Variants in ZNF384 observed in about 807,000 individuals in gnomAD.
ZNF384 encodes zinc finger protein 384.
ZNF384 carries 20 observed loss-of-function variants against 65.0 expected under a neutral mutation model. That is an observed-to-expected ratio of 0.31 (90% CI 0.22 to 0.45). ZNF384 has a LOEUF of 0.45. Among genes scored for constraint, ZNF384 ranks in the 20% least tolerant of loss-of-function variants. The pLI, the probability that ZNF384 is intolerant of heterozygous loss-of-function variation, is 1.00. For synonymous variants in ZNF384, 310 were observed against 303.9 expected (o/e 1.02, Z -0.21); for missense variants, 549 against 769.4 (o/e 0.71, Z 3.39).
chr12:6,669,212 G>C, intron 10 of ZNF384, 23 bp from the exon 11 acceptor site: 2 of 1,594,148 alleles, frequency 1.3e-6, no homozygotes, highest in African/African-American at 1.3e-5. Context: ...GGAGAAACCA[G>C]AATGAATACA....
At position 6,678,802 on chromosome 12, in the gene ZNF384, CTAGGCACACAG is replaced by C; in HGVS notation, c.305-103_305-93del. 6.6e-7 allele frequency: 1 copy of C among 1,511,454 alleles called. No individual in the cohort carries two copies. Among genetic ancestry groups the C allele is most frequent in the Non-Finnish European group, 9.2e-7 (1 of 1,090,662 alleles). 93.6% of individuals were successfully genotyped at this position (1,511,454 alleles called of 1,614,324 possible). On this transcript the variant is annotated intron_variant, in intron 4 of 11. Transcript: ENST00000683879. The surrounding 1 kb of genome is among the most constrained non-coding windows in gnomAD (Gnocchi z 4.9). ...ATCCCCCACAATGCCTAGCACATTG[CTAGGCACACAG>C]TAGGCACTTAATAAAAATTTGATTG...
At chr12:6,679,859 T>A (rs1955244414) in intron 2 of ZNF384, among the ~76,000 whole-genome samples, 1 of 152,218 alleles carries the variant, frequency 6.6e-6, no homozygotes, top group Non-Finnish European at 1.5e-5. Flanking sequence ...AGAGGGGAGA[T>A]GATGTAGCTA....
chr12:6,673,158 G>A lies in ZNF384; in HGVS notation c.1004+58C>T. Reference sequence around the variant, plus strand: ...ACATGTGGAGAGAGGAGTAGGTGCAGGCAACATGGTCTTAGGGTTCACGGC... The same window carrying A: ...ACATGTGGAGAGAGGAGTAGGTGCAAGCAACATGGTCTTAGGGTTCACGGC... On this transcript the variant is annotated intron_variant, in intron 8 of 11. Transcript: ENST00000683879. The surrounding 1 kb of genome is among the most constrained non-coding windows in gnomAD (Gnocchi z 4.7). 8.6e-6 allele frequency: 13 copies of A among 1,507,302 alleles called. No individual in the cohort carries two copies. Among genetic ancestry groups the A allele is most frequent in the Non-Finnish European group, 1.1e-5 (12 of 1,094,404 alleles). 93.4% of individuals were successfully genotyped at this position (1,507,302 alleles called of 1,614,324 possible).
At chr12:6,669,920 TCAAACA>T (rs1184820415) in intron 10 of ZNF384, among the ~76,000 whole-genome samples, 2 of 150,968 alleles carry the variant, frequency 1.3e-5, no homozygotes, top group Non-Finnish European at 3.0e-5. Context: ...AGCCTCTGTC[TCAAACA>T]CGCACACGCG....
intron 2 of ZNF384, among the ~76,000 whole-genome samples, 166 bp from the exon 3 acceptor site, chr12:6,679,691 G>T (rs1003012608): frequency 6.6e-6 from 1 of 152,174 alleles, no homozygotes; most frequent in Admixed American, 6.5e-5. Context: ...CTTGGTCAGA[G>T]CCCCTTGTCA....
intron 10 of ZNF384, among the ~76,000 whole-genome samples, chr12:6,670,272 G>GA (rs1303270380): frequency 1.3e-5 from 2 of 151,908 alleles, no homozygotes; most frequent in African/African-American, 2.4e-5. Flanking sequence ...CTACGAAAAT[G>GA]AAAAAAACAG....
chr12:6,688,327 G>A (rs1347253424), intron 1 of ZNF384, 101 bp from the exon 2 acceptor site: 1 of 152,568 alleles, frequency 6.6e-6, no homozygotes, highest in African/African-American at 2.4e-5. Flanking sequence ...AGTCTGGAAG[G>A]CAGGCAGACC....
chr12:6,679,352 G>A, intron 3 of ZNF384, 103 bp downstream of exon 3: 1 of 1,280,542 alleles, frequency 7.8e-7, no homozygotes, highest in Non-Finnish European at 1.1e-6. Flanking sequence ...TAATTCTCAG[G>A]GGTGGGGGAC....
At position 6,672,735 on chromosome 12, in the gene ZNF384, T is replaced by A. The variant is rs1477376513; in HGVS notation, c.1005-203A>T. Among the ~76,000 whole-genome samples, 1 of 152,136 alleles carries A rather than the reference T, an allele frequency of 6.6e-6. No homozygotes were observed. Among genetic ancestry groups the A allele is most frequent in the African/African-American group, 2.4e-5 (1 of 41,426 alleles). ...GCTGATCGTAAGTCGGTGGCTAGAA[T>A]GGCAGTGAGATGATGAAGAGCTGCA... On this transcript the variant is annotated intron_variant, in intron 8 of 11. Transcript: ENST00000683879. The surrounding 1 kb of genome is among the most constrained non-coding windows in gnomAD (Gnocchi z 4.4).
chr12:6,680,388 C>G (rs1381123828), intron 2 of ZNF384, among the ~76,000 whole-genome samples: 1 of 152,172 alleles, frequency 6.6e-6, no homozygotes. Context: ...GTGGCTCACA[C>G]CTGTAATCCC....
chr12:6,671,473 GCTC>G (rs1409002693), intron 9 of ZNF384: 6 of 152,378 alleles, frequency 3.9e-5, no homozygotes, highest in African/African-American at 1.4e-4. Flanking sequence ...AGTGACACCT[GCTC>G]CTCATCAGCG....
chr12:6,678,360 A>G lies in ZNF384; in HGVS notation c.453T>C (p.Leu151=). The change falls in exon 6 of 12, where the codon CTT becomes CTC. Residue 151 remains leucine, a synonymous_variant. Transcript: ENST00000683879. This position sits in a 1 kb window ranked among gnomAD's most constrained non-coding sequence, Gnocchi z 4.9. ...CCTGCAGGGCTTGTGAGCCAGGGGG[A>G]AGAGCTGAGACAATCATGGGAGCCG... ...PISAPMIVSA[L]PPGSQALQVV... 1 of 1,613,906 alleles carries G rather than the reference A, an allele frequency of 6.2e-7. No individual in the cohort carries two copies. The highest frequency in any genetic ancestry group is 8.5e-7 in the Non-Finnish European group (1 of 1,179,942).
At chr12:6,682,178 AGTGCGGTC>A in intron 2 of ZNF384, among the ~76,000 whole-genome samples, 1 of 151,654 alleles carries the variant, frequency 6.6e-6, no homozygotes, top group African/African-American at 2.4e-5. Flanking sequence ...AAAAGAGGTG[AGTGCGGTC>A]GTGCATACCC....
At chr12:6,681,496 C>A (rs1955935843) in intron 2 of ZNF384, among the ~76,000 whole-genome samples, 1 of 152,094 alleles carries the variant, frequency 6.6e-6, no homozygotes, top group Non-Finnish European at 1.5e-5. Context: ...CACAGTATTA[C>A]CAGGCTGCTA....
chr12:6,679,356 G>T, intron 3 of ZNF384, 99 bp downstream of exon 3: 2 of 1,297,618 alleles, frequency 1.5e-6, no homozygotes, highest in African/African-American at 1.5e-5. Flanking sequence ...TCTCAGGGGT[G>T]GGGGACCCAG....
intron 2 of ZNF384, among the ~76,000 whole-genome samples, chr12:6,684,565 A>G (rs1957241562): frequency 6.6e-6 from 1 of 152,236 alleles, no homozygotes; most frequent in Admixed American, 6.5e-5. Flanking sequence ...TTGGATGCCT[A>G]GTTTATTGCA....
chr12:6,678,665 C>T lies in ZNF384; in HGVS notation c.350G>A (p.Arg117Lys). 3.1e-6 allele frequency: 5 copies of T among 1,613,898 alleles called. No individual in the cohort carries two copies. Among genetic ancestry groups the T allele is most frequent in the Non-Finnish European group, 4.2e-6 (5 of 1,179,938 alleles). Residue 117 changes from arginine (R) to lysine (K), a missense_variant and splice_region_variant, in exon 5 of 12, where the codon AGG becomes AAG. Arg to Lys is a conservative substitution (Grantham distance 26, BLOSUM62 2). Around this residue, in one of 5 missense-constraint regions of ZNF384, gnomAD observed 277 missense variants for 337.2 expected, o/e 0.82. Transcript: ENST00000683879. This position sits in a 1 kb window ranked among gnomAD's most constrained non-coding sequence, Gnocchi z 4.9. ...QRWRREGSQSRGPGLVITSPS... is the reference protein window; with the variant it reads ...QRWRREGSQSKGPGLVITSPS... The stretch of plus-strand genomic sequence containing the variant: ...CCCCTGGTAACAGTGAGATTTACCC[C>T]TTGATTGACTCCCTTCTCTTCTCCA...
rs1454784191 is a variant in ZNF384 at position 6,681,706 on chromosome 12, A to AGG, written c.-5-2182_-5-2181insCC. Among the ~76,000 whole-genome samples the AGG allele has an allele frequency of 4.0e-5, 6 of 151,716 alleles. No individual in the cohort carries two copies. The East Asian group carries it at 9.7e-4, about 24-fold the overall frequency. On this transcript the variant is annotated intron_variant, in intron 2 of 11. Transcript: ENST00000683879. ...CGAAGCTGAAAATTACTCTAACATA[A>AGG]CTCTGTTCCTTATCCTTTTATAGAA...
chr12:6,667,822 G>A lies in ZNF384; in HGVS notation c.1719C>T (p.Pro573=). 1 of 1,614,220 alleles carries A rather than the reference G, an allele frequency of 6.2e-7. No individual in the cohort carries two copies. Among genetic ancestry groups the A allele is most frequent in the Non-Finnish European group, 8.5e-7 (1 of 1,180,038 alleles). The change falls in exon 12 of 12, where the codon CCC becomes CCT. Residue 573 remains proline (P), a synonymous_variant. Transcript: ENST00000683879. Reference sequence around the variant, plus strand: ...ACGGGGTCAGGTCAAAGGAACACTGGGGTGGAGGGTTGGGATTGCTGTCCC... The same window carrying A: ...ACGGGGTCAGGTCAAAGGAACACTGAGGTGGAGGGTTGGGATTGCTGTCCC... ...GGGDSNPNPP[P]QCSFDLTPYK...
Sources: gnomAD v4.1 joint callset for allele counts (sites outside exome capture counted in the v4.1 genomes callset) on GRCh38, gnomAD v4.1.1 for gene constraint, gnomAD v4.1.1 regional missense constraint, Gnocchi (gnomAD v3.1) non-coding constraint, MANE v1.5 for transcripts, NCBI Gene and HGNC (gene_info 2026-07-23, HGNC 2026-07-21) for gene names.